Variants in STRADA observed in about 807,000 individuals in gnomAD.
STRADA encodes the protein STE20-related kinase adapter protein alpha.
A neutral mutation model predicts 55.0 loss-of-function variants in STRADA; 26 were observed. That is an observed-to-expected ratio of 0.47 (90% confidence interval 0.35 to 0.66). STRADA has a LOEUF of 0.66. Among genes scored for constraint, STRADA ranks in the 30% least tolerant of loss-of-function variants. The pLI is 0.01. For synonymous variants in STRADA, 197 were observed against 210.9 expected (o/e 0.93, Z 0.57); for missense variants, 443 against 549.7 (o/e 0.81, Z 1.94).
At chr17:63,704,628 G>C (rs543288552) in intron 10 of STRADA, 46 bp from the exon 11 acceptor site, 89 of 919,818 alleles carry the variant, frequency 9.7e-5, no homozygotes, top group South Asian at 1.6e-4. Flanking sequence ...GGTGGGGGGG[G>C]GGGGTGGTCC....
At chr17:63,713,274 C>A in intron 6 of STRADA, 132 bp downstream of exon 6, 1 of 1,254,910 alleles carries the variant, frequency 8.0e-7, no homozygotes, top group South Asian at 1.6e-5. Context: ...GCCAAATGGC[C>A]AGGATTCTCC....
chr17:63,703,319 C>G lies in STRADA; in HGVS notation c.*280G>C. The stretch of plus-strand genomic sequence containing the variant: ...CTCCCAGGGCCAGAGCAGCATCTCT[C>G]TTCTGCGGAGGAGGTCACCTGAGCT... On this transcript the variant is annotated 3_prime_UTR_variant, in exon 13 of 13. Transcript: ENST00000336174. 2.9e-6 allele frequency: 1 copy of G among 339,714 alleles called. No homozygotes were observed. Among genetic ancestry groups the G allele is most frequent in the Non-Finnish European group, 5.4e-6 (1 of 184,400 alleles). 21.0% of individuals were successfully genotyped at this position (339,714 alleles called of 1,614,324 possible).
At position 63,740,103 on chromosome 17, in the gene STRADA, T is replaced by C. The variant is rs1291250464; in HGVS notation, c.-45+1638A>G. Among the ~76,000 whole-genome samples the C allele has an allele frequency of 4.5e-4, 33 of 72,616 alleles. 4 individuals are homozygous for C. The highest frequency in any genetic ancestry group is 5.8e-4 in the Admixed American group (4 of 6,928). The allele number at this position is 72,616 out of a possible 152,430, so 47.6% of individuals were successfully genotyped here. On this transcript the variant is annotated intron_variant, in intron 1 of 12. Coordinates refer to ENST00000336174, the MANE Select transcript of STRADA (RefSeq NM_001003787.4). ...ATTTAACACTATATATATATATATA[T>C]ATATACATACATACATATATATATA...
intron 4 of STRADA, among the ~76,000 whole-genome samples, chr17:63,722,983 C>A (rs1257002946): frequency 6.6e-6 from 1 of 151,994 alleles, no homozygotes; most frequent in Non-Finnish European, 1.5e-5. Context: ...AAACAATAAC[C>A]GTATTTCTGA....
chr17:63,716,182 G>A (rs1317701816), intron 4 of STRADA, among the ~76,000 whole-genome samples: 17 of 146,746 alleles, frequency 1.2e-4, no homozygotes, highest in African/African-American at 4.3e-4. Context: ...TGCAAGCTCC[G>A]CCTCCTGGGT....
chr17:63,707,556 T>A, intron 8 of STRADA, 138 bp from the exon 9 acceptor site: 1 of 767,518 alleles, frequency 1.3e-6, no homozygotes, highest in Non-Finnish European at 2.1e-6. Context: ...TACATATACA[T>A]AACCATGTTT....
At position 63,703,558 on chromosome 17, in the gene STRADA, T is replaced by G. The variant is rs201294477; in HGVS notation, c.*41A>C. On this transcript the variant is annotated 3_prime_UTR_variant, in exon 13 of 13. Transcript: ENST00000336174. Reference sequence around the variant, plus strand: ...CCTCAGGAAGGGCCTCTGGGTGGCCTCTGCATCCCTGGCTGGAGAATGCGC... The same window carrying G: ...CCTCAGGAAGGGCCTCTGGGTGGCCGCTGCATCCCTGGCTGGAGAATGCGC... 138 of 1,582,602 alleles carry G rather than the reference T, an allele frequency of 8.7e-5. No individual in the cohort carries two copies. The African/African-American group carries it at 1.6e-3, about 19-fold the overall frequency.
chr17:63,712,673 A>T (rs1342512514), intron 6 of STRADA: 1 of 151,462 alleles, frequency 6.6e-6, no homozygotes, highest in East Asian at 1.9e-4. Flanking sequence ...CTGCCACTGT[A>T]CTCCAGCCAG....
At chr17:63,725,891 C>A (rs898346142) in intron 3 of STRADA, 2 of 147,004 alleles carry the variant, frequency 1.4e-5, no homozygotes, top group Non-Finnish European at 3.0e-5. Context: ...AAGATGGTCT[C>A]GATCTCCTGA....
At position 63,704,162 on chromosome 17, in the gene STRADA, G is replaced by A. The variant is rs1397518977; in HGVS notation, c.1101-115C>T. 2.0e-6 allele frequency: 3 copies of A among 1,529,388 alleles called. No individual in the cohort carries two copies. The African/African-American group carries it at 4.1e-5, about 21-fold the overall frequency. The allele number at this position is 1,529,388 out of a possible 1,614,324, so 94.7% of individuals were successfully genotyped here. On this transcript the variant is annotated intron_variant, in intron 11 of 12. Transcript: ENST00000336174. The stretch of plus-strand genomic sequence containing the variant: ...CCTCTCCCTCTCCCTCAGCTCATGG[G>A]AAGCAGTGGCCAGAGCTCCCCAGGC...
intron 2 of STRADA, 165 bp downstream of exon 2, chr17:63,728,169 A>C: frequency 1.7e-6 from 1 of 575,692 alleles, no homozygotes; most frequent in African/African-American, 1.9e-5. Flanking sequence ...TCTGTCTGCA[A>C]ACTCTTCTCA....
intron 8 of STRADA, 43 bp downstream of exon 8, chr17:63,710,444 GCATA>G: frequency 1.9e-6 from 3 of 1,610,432 alleles, no homozygotes; most frequent in African/African-American, 2.7e-5. Flanking sequence ...AGGCTCAGGG[GCATA>G]GCTACCCACT....
chr17:63,717,756 T>C (rs1238764279), intron 4 of STRADA, among the ~76,000 whole-genome samples: 4 of 151,496 alleles, frequency 2.6e-5, no homozygotes, highest in African/African-American at 7.3e-5. Flanking sequence ...GGATTACAGG[T>C]GTGAGCCACC....
Position 63,710,544 on chromosome 17 carries a change from C to T in STRADA, c.528G>A (p.Leu176=). 1.9e-6 allele frequency: 3 copies of T among 1,613,974 alleles called. No individual in the cohort carries two copies. The highest frequency in any genetic ancestry group is 2.5e-6 in the Non-Finnish European group (3 of 1,179,886). ...AGTCGAGGGCCTTCAGCACCCCCTG[C>T]AGGATGTAAGCAATCGCCAGCTCAT... ...GMNELAIAYI[L]QGVLKALDYI... Residue 176 remains leucine (L), a synonymous_variant, in exon 8 of 13, where the codon CTG becomes CTA. Transcript: ENST00000336174.
At chr17:63,735,004 T>A (rs557695477) in intron 1 of STRADA, among the ~76,000 whole-genome samples, 4 of 151,904 alleles carry the variant, frequency 2.6e-5, no homozygotes, top group Non-Finnish European at 5.9e-5. Context: ...ATAAAAAATA[T>A]AAAAATTAGG....
intron 1 of STRADA, among the ~76,000 whole-genome samples, chr17:63,740,107 T>TATAC (rs1309095081): frequency 0.018 from 892 of 49,648 alleles, 131 homozygotes; most frequent in Non-Finnish European, 0.022. Context: ...TATATATATA[T>TATAC]ACATACATAC....
chr17:63,704,711 A>G (rs2035963964), intron 10 of STRADA, 129 bp from the exon 11 acceptor site: 2 of 1,508,636 alleles, frequency 1.3e-6, no homozygotes. Flanking sequence ...AAGAGTGGAA[A>G]AGGTGGAAGT....
In STRADA at chr17:63,729,298, T is replaced by C. The variant is rs572831768; in HGVS notation, c.-44-885A>G. ...CAGAGCAGGGCTAACTCATAGACAA[T>C]GTACCCAGAGTCAGCCAGTTTTAAC... On this transcript the variant is annotated intron_variant, in intron 1 of 12. Transcript: ENST00000336174. Among the ~76,000 whole-genome samples, 5 of 152,336 alleles carry C rather than the reference T, an allele frequency of 3.3e-5. No homozygotes were observed. In the South Asian group the frequency reaches 8.3e-4, roughly 25 times the overall value.
chr17:63,704,800 G>C (rs2035970422), intron 10 of STRADA: 2 of 1,534,758 alleles, frequency 1.3e-6, no homozygotes, highest in African/African-American at 2.7e-5. Flanking sequence ...CGTGAAAGGA[G>C]AGGGGTTGCA....
Sources: gnomAD v4.1 joint callset for allele counts (sites outside exome capture counted in the v4.1 genomes callset) on GRCh38, gnomAD v4.1.1 for gene constraint, MANE v1.5 for transcripts, NCBI Gene and HGNC (gene_info 2026-07-23, HGNC 2026-07-21) for gene names.